SH3PXD2A: variants seen among roughly 807,000 people sequenced by gnomAD.
SH3PXD2A encodes SH3 and PX domain-containing protein 2A.
A neutral mutation model predicts 115.2 loss-of-function variants in SH3PXD2A; 32 were observed. The ratio of observed to expected loss-of-function variants is 0.28; its 90% confidence interval spans 0.21 to 0.37. SH3PXD2A has a LOEUF of 0.37. Among genes scored for constraint, SH3PXD2A ranks in the 10% least tolerant of loss-of-function variants. The pLI is 1.00. For missense variants in SH3PXD2A, 1,328 were observed against 1,498.7 expected, an observed-to-expected ratio of 0.89 and a Z score of 1.88; for synonymous variants, 610 against 629.1, an observed-to-expected ratio of 0.97 and a Z score of 0.45.
intron 7 of SH3PXD2A, among the ~76,000 whole-genome samples, 188 bp from the exon 8 acceptor site, chr10:103,661,302 C>T (rs1355698658): frequency 6.6e-6 from 1 of 152,228 alleles, no homozygotes; most frequent in Non-Finnish European, 1.5e-5. Context: ...GGCCCCAGAC[C>T]GGCCCGCTGC....
chr10:103,827,143 G>A (rs2039438301), intron 1 of SH3PXD2A, among the ~76,000 whole-genome samples: 1 of 152,098 alleles, frequency 6.6e-6, no homozygotes. Context: ...GGGGTGGGAG[G>A]GAGATGTCAC....
intron 13 of SH3PXD2A, among the ~76,000 whole-genome samples, chr10:103,607,513 G>A (rs1363181365): frequency 1.6e-4 from 24 of 148,678 alleles, no homozygotes; most frequent in South Asian, 4.3e-4. Context: ...CAGCCGCCCC[G>A]TCCGGGAGGG....
intron 5 of SH3PXD2A, among the ~76,000 whole-genome samples, chr10:103,694,985 T>A (rs115217889): frequency 0.029 from 4,358 of 152,290 alleles, 208 homozygotes; most frequent in African/African-American, 0.099. Flanking sequence ...AGGGAATTCC[T>A]GAGAGGAGGA....
intron 1 of SH3PXD2A, among the ~76,000 whole-genome samples, chr10:103,830,211 T>C (rs2134302450): frequency 6.6e-6 from 1 of 152,330 alleles, no homozygotes; most frequent in Admixed American, 6.5e-5. Context: ...AGGTTTCGGG[T>C]TTCTGGTCCT....
At chr10:103,810,651 T>C (rs2039256973) in intron 1 of SH3PXD2A, among the ~76,000 whole-genome samples, 1 of 152,074 alleles carries the variant, frequency 6.6e-6, no homozygotes, top group Non-Finnish European at 1.5e-5. Context: ...GTGATACCCA[T>C]GGGGCACCGA....
intron 6 of SH3PXD2A, among the ~76,000 whole-genome samples, chr10:103,691,677 G>C (rs192766635): frequency 1.3e-5 from 2 of 152,148 alleles, no homozygotes; most frequent in East Asian, 3.9e-4. Flanking sequence ...CCCACAGCTA[G>C]ACATGTCCCA....
intron 7 of SH3PXD2A, among the ~76,000 whole-genome samples, chr10:103,667,932 G>A (rs1262430485): frequency 6.6e-6 from 1 of 152,222 alleles, no homozygotes; most frequent in Non-Finnish European, 1.5e-5. Context: ...CCTGACCCCT[G>A]CCCAGCTCCT....
At chr10:103,678,215 T>C (rs2037565206) in intron 6 of SH3PXD2A, 17 of 1,217,858 alleles carry the variant, frequency 1.4e-5, no homozygotes, top group Non-Finnish European at 1.8e-5. Flanking sequence ...TGGGAGCCCC[T>C]GAGCCTTTCC....
At chr10:103,716,945 T>G (rs1171193776) in intron 5 of SH3PXD2A, among the ~76,000 whole-genome samples, 1 of 152,214 alleles carries the variant, frequency 6.6e-6, no homozygotes, top group Non-Finnish European at 1.5e-5. Flanking sequence ...CCACCCGGGA[T>G]GTCCCCATCC....
intron 8 of SH3PXD2A, among the ~76,000 whole-genome samples, chr10:103,634,409 T>C (rs927018088): frequency 6.6e-6 from 1 of 152,216 alleles, no homozygotes; most frequent in Admixed American, 6.5e-5. Context: ...GCTCCACATA[T>C]ATGACTTTAT....
In SH3PXD2A at chr10:103,616,619, G is replaced by C. The variant is rs1190744211; in HGVS notation, c.920+578C>G. Among the ~76,000 whole-genome samples, 3 of 152,236 alleles carry C rather than the reference G, an allele frequency of 2.0e-5. No individual in the cohort carries two copies. In the South Asian group the frequency reaches 6.2e-4, roughly 31 times the overall value. On this transcript the variant is annotated intron_variant, in intron 11 of 14. Coordinates refer to ENST00000369774, the MANE Select transcript of SH3PXD2A (RefSeq NM_001394015.1). ...GGGGCAAGAGAAGGAAGAAGCCTCC[G>C]ATGGCCTGAGCCGAGGCCTGACTTC...
intron 1 of SH3PXD2A, among the ~76,000 whole-genome samples, chr10:103,846,140 T>C (rs537688474): frequency 1.3e-5 from 2 of 152,230 alleles, no homozygotes; most frequent in Non-Finnish European, 2.9e-5. Flanking sequence ...GACCCAGCCA[T>C]GGGCCTCCGC....
intron 13 of SH3PXD2A, chr10:103,609,116 A>C (rs1031403408): frequency 6.6e-6 from 1 of 150,536 alleles, no homozygotes; most frequent in African/African-American, 2.5e-5. Flanking sequence ...TGAACAGACC[A>C]CTGCACTCCA....
chr10:103,808,793 G>T (rs374510161), intron 1 of SH3PXD2A, among the ~76,000 whole-genome samples: 1 of 152,108 alleles, frequency 6.6e-6, no homozygotes, highest in South Asian at 2.1e-4. Flanking sequence ...TTCCTCCCAG[G>T]TCTCCCTATC....
chr10:103,698,159 G>A (rs1024089547), intron 5 of SH3PXD2A, among the ~76,000 whole-genome samples: 4 of 152,220 alleles, frequency 2.6e-5, no homozygotes, highest in Non-Finnish European at 4.4e-5. Context: ...GCCGTTCAGA[G>A]TTCCCAGAGT....
Position 103,599,540 on chromosome 10 carries a change from A to G in SH3PXD2A, c.*2276T>C, listed in dbSNP as rs2133900425. The G allele has an allele frequency of 6.5e-6, 1 of 152,708 alleles. No homozygotes were observed. Among genetic ancestry groups the G allele is most frequent in the South Asian group, 2.1e-4 (1 of 4,832 alleles). 9.5% of individuals were successfully genotyped at this position (152,708 alleles called of 1,614,324 possible). The stretch of plus-strand genomic sequence containing the variant: ...TCACTCTACTTTTAAATTTTATTTT[A>G]AATAGTCATAAATTACTTTTTTTCT... On this transcript the variant is annotated 3_prime_UTR_variant, in exon 15 of 15. Transcript: ENST00000369774.
intron 5 of SH3PXD2A, among the ~76,000 whole-genome samples, chr10:103,704,898 G>A (rs1385644059): frequency 6.6e-6 from 1 of 152,202 alleles, no homozygotes; most frequent in Non-Finnish European, 1.5e-5. Context: ...CCTGGGTGGT[G>A]GCAGCCCTCT....
chr10:103,759,248 G>A (rs915746557), intron 3 of SH3PXD2A, among the ~76,000 whole-genome samples: 2 of 152,178 alleles, frequency 1.3e-5, no homozygotes, highest in African/African-American at 2.4e-5. Context: ...GGGCCGTTAC[G>A]TAAACTGGCG....
intron 14 of SH3PXD2A, among the ~76,000 whole-genome samples, 177 bp from the exon 15 acceptor site, chr10:103,603,966 C>CA (rs1775735403): frequency 1.3e-5 from 2 of 152,160 alleles, no homozygotes; most frequent in Admixed American, 1.3e-4. Flanking sequence ...CACCAGAATT[C>CA]AAACCTAGGT....
Sources: allele counts gnomAD v4.1 joint callset (sites outside exome capture counted in the v4.1 genomes callset), GRCh38; gene constraint gnomAD v4.1.1; transcripts MANE v1.5; gene names NCBI Gene and HGNC (gene_info 2026-07-23, HGNC 2026-07-21).